The following AUTS2 variants were observed in gnomAD, a reference collection of about 807,000 sequenced individuals.
AUTS2 encodes the protein autism susceptibility gene 2 protein.
A neutral mutation model predicts 112.4 loss-of-function variants in AUTS2; 17 were observed. That is an observed-to-expected ratio of 0.15 (90% CI 0.10 to 0.23). The LOEUF (loss-of-function observed/expected upper bound fraction) is 0.23, where lower values mean the gene tolerates loss of function less well. AUTS2 is among the 10% of genes least tolerant of loss of function. The pLI, the probability that AUTS2 is intolerant of heterozygous loss-of-function variation, is 1.00. For missense variants in AUTS2, 1,510 were observed against 1,701.6 expected, an observed-to-expected ratio of 0.89 and a Z score of 1.98; for synonymous variants, 751 against 702.7, an observed-to-expected ratio of 1.07 and a Z score of -1.09.
At chr7:70,599,017 A>G (rs1288453751) in intron 5 of AUTS2, among the ~76,000 whole-genome samples, 2 of 152,208 alleles carry the variant, frequency 1.3e-5, no homozygotes, top group Non-Finnish European at 2.9e-5. Flanking sequence ...GCTGGAAAAG[A>G]TGGTGGCCAC....
chr7:70,621,838 CTTTTTTTTTTT>C (rs67123941), intron 5 of AUTS2, among the ~76,000 whole-genome samples: 6 of 66,788 alleles, frequency 9.0e-5, no homozygotes, highest in South Asian at 7.9e-4. Flanking sequence ...TAGTCATTCT[CTTTTTTTTTTT>C]TTTTTTTTTT....
intron 5 of AUTS2, among the ~76,000 whole-genome samples, chr7:70,619,864 G>A (rs113368625): frequency 3.3e-5 from 5 of 152,152 alleles, no homozygotes; most frequent in Admixed American, 1.3e-4. Context: ...CAATCTCCCA[G>A]CGCCTGCCTC....
chr7:70,636,806 C>T (rs1436333437), intron 5 of AUTS2, among the ~76,000 whole-genome samples: 2 of 151,648 alleles, frequency 1.3e-5, no homozygotes, highest in East Asian at 3.9e-4. Flanking sequence ...ACTACCATGC[C>T]CAAGTAATTT....
At chr7:70,364,802 A>G (rs1367528723) in intron 4 of AUTS2, among the ~76,000 whole-genome samples, 2 of 152,206 alleles carry the variant, frequency 1.3e-5, no homozygotes, top group Non-Finnish European at 2.9e-5. Flanking sequence ...TATTGGAGAC[A>G]GAAGCAGAAC....
At chr7:69,884,306 C>T (rs544754786) in intron 1 of AUTS2, among the ~76,000 whole-genome samples, 2 of 152,332 alleles carry the variant, frequency 1.3e-5, no homozygotes, top group East Asian at 3.9e-4. Flanking sequence ...TTACTGCTTT[C>T]AGCAAATCTA....
intron 1 of AUTS2, among the ~76,000 whole-genome samples, chr7:69,747,715 T>C (rs1481491550): frequency 6.6e-6 from 1 of 151,958 alleles, no homozygotes; most frequent in African/African-American, 2.4e-5. Flanking sequence ...TCCCACAGTT[T>C]TTGTCATTGT....
intron 6 of AUTS2, among the ~76,000 whole-genome samples, chr7:70,734,558 T>C (rs1456597733): frequency 2.0e-5 from 3 of 152,084 alleles, no homozygotes; most frequent in Admixed American, 6.5e-5. Context: ...GCGGGACATA[T>C]GGTTTGGCGT....
intron 1 of AUTS2, among the ~76,000 whole-genome samples, chr7:69,845,255 A>G (rs1334567611): frequency 1.3e-5 from 2 of 152,192 alleles, no homozygotes; most frequent in Admixed American, 1.3e-4. Flanking sequence ...ATCAGAGAAG[A>G]TGATTTTTCC....
chr7:69,734,000 G>T (rs1297866842), intron 1 of AUTS2, among the ~76,000 whole-genome samples: 4 of 152,076 alleles, frequency 2.6e-5, no homozygotes, highest in Admixed American at 6.6e-5. Context: ...TACCACCGAG[G>T]ATTTATAATG....
At chr7:69,673,126 T>C (rs1315077687) in intron 1 of AUTS2, among the ~76,000 whole-genome samples, 1 of 152,222 alleles carries the variant, frequency 6.6e-6, no homozygotes, top group Non-Finnish European at 1.5e-5. Context: ...TTCCCTGTTG[T>C]TACTAGCCCT....
chr7:70,652,444 A>T (rs746285787), intron 5 of AUTS2, among the ~76,000 whole-genome samples: 151 of 152,324 alleles, frequency 9.9e-4, no homozygotes, highest in Middle Eastern at 3.4e-3. Context: ...TTATCTAGAC[A>T]CAAGGAGTTC....
At chr7:70,396,945 T>TC (rs1197675495) in intron 4 of AUTS2, among the ~76,000 whole-genome samples, 1 of 152,220 alleles carries the variant, frequency 6.6e-6, no homozygotes, top group Admixed American at 6.5e-5. Flanking sequence ...TACAAAAATG[T>TC]CAAACTGTTT....
chr7:70,698,514 T>C, intron 5 of AUTS2, 55 bp from the exon 6 acceptor site: 1 of 1,402,674 alleles, frequency 7.1e-7, no homozygotes, highest in Non-Finnish European at 1.0e-6. Flanking sequence ...ATGTTGATGG[T>C]GATGACAATA....
chr7:69,635,280 A>C (rs1051648253), intron 1 of AUTS2, among the ~76,000 whole-genome samples: 2 of 152,246 alleles, frequency 1.3e-5, no homozygotes, highest in African/African-American at 2.4e-5. Flanking sequence ...TGAAATCCAT[A>C]AGGAAAGATG....
chr7:69,631,899 C>A (rs1014939507), intron 1 of AUTS2, among the ~76,000 whole-genome samples: 1 of 152,174 alleles, frequency 6.6e-6, no homozygotes, highest in Non-Finnish European at 1.5e-5. Context: ...AATTGAATTT[C>A]AATTAAGGAT....
At chr7:69,870,457 A>ATATATATATATATATATATATATAT (rs1196082523) in intron 1 of AUTS2, among the ~76,000 whole-genome samples, 4 of 139,122 alleles carry the variant, frequency 2.9e-5, no homozygotes, top group Non-Finnish European at 6.3e-5. Context: ...TAATATATAT[A>ATATATATATATATATATATATATAT]TATATATATG....
intron 5 of AUTS2, among the ~76,000 whole-genome samples, chr7:70,684,976 C>T (rs1200905939): frequency 5.3e-5 from 8 of 152,130 alleles, no homozygotes; most frequent in African/African-American, 1.7e-4. Context: ...TAAATGGCAC[C>T]GTCACATATA....
At chr7:69,701,196 T>G (rs1326602411) in intron 1 of AUTS2, among the ~76,000 whole-genome samples, 1 of 152,222 alleles carries the variant, frequency 6.6e-6, no homozygotes, top group Non-Finnish European at 1.5e-5. Context: ...TGTAAAGTGC[T>G]TGGTACAGGC....
At chr7:69,631,736 CTTT>C (rs967067679) in intron 1 of AUTS2, among the ~76,000 whole-genome samples, 3 of 152,204 alleles carry the variant, frequency 2.0e-5, no homozygotes, top group Non-Finnish European at 4.4e-5. Flanking sequence ...ATACATTCTT[CTTT>C]ATCTTCTAAA....
Sources: allele counts gnomAD v4.1 joint callset (sites outside exome capture counted in the v4.1 genomes callset), GRCh38; gene constraint gnomAD v4.1.1; transcripts MANE v1.5; gene names NCBI Gene and HGNC (gene_info 2026-07-23, HGNC 2026-07-21).